INPP5B: variants seen among roughly 807,000 people sequenced by gnomAD.
The protein encoded by INPP5B is inositol polyphosphate-5-phosphatase B, also known as type II inositol 1,4,5-trisphosphate 5-phosphatase.
A neutral mutation model predicts 118.5 loss-of-function variants in INPP5B; 90 were observed. The ratio of observed to expected loss-of-function variants is 0.76; its 90% confidence interval spans 0.64 to 0.90. The LOEUF is 0.90. Among genes scored for constraint, INPP5B ranks in the 40% least tolerant of loss-of-function variants. INPP5B has a pLI of 0.00. For missense variants in INPP5B, 984 were observed against 1,125.6 expected, an observed-to-expected ratio of 0.87 and a Z score of 1.80; for synonymous variants, 385 against 418.9, an observed-to-expected ratio of 0.92 and a Z score of 0.99.
chr1:37,891,476 T>C, intron 7 of INPP5B, 22 bp from the exon 8 acceptor site: 1 of 1,525,080 alleles, frequency 6.6e-7, no homozygotes, highest in Non-Finnish European at 9.1e-7. Flanking sequence ...GAGAAGAAAT[T>C]AAAATATACA....
intron 10 of INPP5B, among the ~76,000 whole-genome samples, chr1:37,887,904 C>T (rs987844212): frequency 3.9e-5 from 6 of 152,072 alleles, no homozygotes; most frequent in Admixed American, 1.3e-4. Flanking sequence ...CTTCAGCTAA[C>T]CTTTCTTCTC....
chr1:37,931,565 C>T lies in INPP5B; in HGVS notation c.532+348G>A, dbSNP rs1205432572. The T allele has an allele frequency of 1.2e-5, 18 of 1,537,716 alleles. No homozygotes were observed. The East Asian group carries it at 3.2e-4, about 27-fold the overall frequency. On this transcript the variant is annotated intron_variant, in intron 7 of 23. Transcript: ENST00000373024. ...AGAGGGCCACCAGGACTTTGGTCTT[C>T]GCCCCGAGCGTCCACTGGCCAAACC... is the stretch of plus-strand genomic sequence containing the variant.
intron 6 of INPP5B, among the ~76,000 whole-genome samples, chr1:37,936,447 C>G (rs1272871371): frequency 6.6e-6 from 1 of 152,032 alleles, no homozygotes; most frequent in Non-Finnish European, 1.5e-5. Flanking sequence ...ATGGTAAAAC[C>G]CTGTCTCTAC....
intron 7 of INPP5B, among the ~76,000 whole-genome samples, chr1:37,924,554 A>G (rs902016523): frequency 6.6e-6 from 1 of 152,146 alleles, no homozygotes; most frequent in Non-Finnish European, 1.5e-5. Flanking sequence ...ACTTTCCAGG[A>G]GGCAAACATT....
At chr1:37,891,809 G>A (rs1643862396) in intron 7 of INPP5B, among the ~76,000 whole-genome samples, 2 of 152,086 alleles carry the variant, frequency 1.3e-5, no homozygotes, top group South Asian at 4.1e-4. Context: ...ATAAATAAAT[G>A]AAACATACAT....
intron 20 of INPP5B, 107 bp downstream of exon 20, chr1:37,868,394 G>A: frequency 2.8e-6 from 2 of 705,946 alleles, no homozygotes; most frequent in Non-Finnish European, 2.6e-6. Context: ...CCCCTCCCTG[G>A]GTGAAGAACA....
intron 7 of INPP5B, chr1:37,930,160 C>CA (rs1218515167): frequency 1.3e-5 from 2 of 152,196 alleles, no homozygotes; most frequent in Non-Finnish European, 2.9e-5. Flanking sequence ...CTCCTGGGCT[C>CA]AAGCCTTCCA....
In INPP5B at chr1:37,866,505, A is replaced by C. The variant is rs180932774; in HGVS notation, c.2340T>G (p.Phe780Leu). The change falls in exon 21 of 24, where the codon TTT becomes TTG. Residue 780 changes from phenylalanine (F) to leucine (L), a missense_variant. Phe to Leu is a conservative substitution (Grantham distance 22, BLOSUM62 0). Coordinates refer to ENST00000373024, the MANE Select transcript of INPP5B (RefSeq NM_005540.3). ...TATCCAAGCAGTCCCTGATATGTTCAAATTCTGACCTCAGGCCTGGTTGCT... is the reference window on the plus strand; with the variant it reads ...TATCCAAGCAGTCCCTGATATGTTCCAATTCTGACCTCAGGCCTGGTTGCT... ...LFQQPGLRSE[F>L]EHIRDCLDTG... 8 of 1,611,382 alleles carry C rather than the reference A, an allele frequency of 5.0e-6. No individual in the cohort carries two copies. In the Admixed American group the frequency reaches 1.2e-4, roughly 24 times the overall value.
At chr1:37,944,863 C>T (rs553070303) in intron 3 of INPP5B, among the ~76,000 whole-genome samples, 1 of 152,244 alleles carries the variant, frequency 6.6e-6, no homozygotes, top group South Asian at 2.1e-4. Context: ...AAGCAATCTT[C>T]CTGCCTCAGC....
intron 19 of INPP5B, among the ~76,000 whole-genome samples, chr1:37,872,452 A>C (rs566032823): frequency 7.2e-5 from 11 of 152,000 alleles, no homozygotes; most frequent in African/African-American, 2.7e-4. Context: ...TACCAATAAA[A>C]CATGGCAGAA....
intron 23 of INPP5B, among the ~76,000 whole-genome samples, chr1:37,862,745 G>A (rs906007795): frequency 2.6e-5 from 4 of 152,162 alleles, no homozygotes; most frequent in South Asian, 2.1e-4. Flanking sequence ...ACGGTATTAT[G>A]AGCTGGGTGT....
chr1:37,870,299 T>C (rs187712934), intron 19 of INPP5B, among the ~76,000 whole-genome samples: 117 of 152,184 alleles, frequency 7.7e-4, no homozygotes, highest in African/African-American at 2.5e-3. Context: ...TTTGTAGAGA[T>C]GGAGTCTCAT....
At chr1:37,917,085 T>A (rs1055301924) in intron 7 of INPP5B, among the ~76,000 whole-genome samples, 2 of 149,836 alleles carry the variant, frequency 1.3e-5, no homozygotes, top group Non-Finnish European at 3.0e-5. Flanking sequence ...AGTCAGGAGT[T>A]CGAGACCAGC....
chr1:37,895,399 C>T (rs968322568), intron 7 of INPP5B, among the ~76,000 whole-genome samples: 4 of 152,220 alleles, frequency 2.6e-5, no homozygotes, highest in African/African-American at 9.6e-5. Context: ...GAGGCTGAGG[C>T]AGGAGGACTG....
chr1:37,898,566 G>C (rs1644210090), intron 7 of INPP5B, among the ~76,000 whole-genome samples: 1 of 151,946 alleles, frequency 6.6e-6, no homozygotes, highest in Non-Finnish European at 1.5e-5. Context: ...GCGGTGGCAG[G>C]CACCTGTAGT....
chr1:37,873,686 G>T (rs1238100109), intron 18 of INPP5B, among the ~76,000 whole-genome samples: 1 of 152,212 alleles, frequency 6.6e-6, no homozygotes, highest in Non-Finnish European at 1.5e-5. Context: ...AGATAATTGG[G>T]AGTTGATTAT....
intron 15 of INPP5B, among the ~76,000 whole-genome samples, chr1:37,879,166 G>C (rs1445816666): frequency 6.6e-6 from 1 of 151,930 alleles, no homozygotes; most frequent in East Asian, 2.0e-4. Context: ...CAGCTACTCG[G>C]GAGGCTGAGG....
At chr1:37,871,084 G>A (rs1250887714) in intron 19 of INPP5B, among the ~76,000 whole-genome samples, 3 of 149,710 alleles carry the variant, frequency 2.0e-5, no homozygotes, top group Admixed American at 6.8e-5. Context: ...TTGCAACCTG[G>A]ACGGCAGAGG....
intron 13 of INPP5B, 43 bp downstream of exon 13, chr1:37,885,595 A>T: frequency 6.4e-7 from 1 of 1,565,130 alleles, no homozygotes; most frequent in African/African-American, 1.3e-5. Flanking sequence ...CCACAACTCT[A>T]TGTACTCATG....
Sources: gnomAD v4.1 joint callset for allele counts (sites outside exome capture counted in the v4.1 genomes callset) on GRCh38, gnomAD v4.1.1 for gene constraint, MANE v1.5 for transcripts, NCBI Gene and HGNC (gene_info 2026-07-23, HGNC 2026-07-21) for gene names.